Variants in NT5DC1 observed in about 807,000 individuals in gnomAD.
NT5DC1 encodes the protein 5'-nucleotidase domain containing 1.
NT5DC1 carries 42 observed loss-of-function variants against 59.4 expected under a neutral mutation model. The observed-to-expected ratio is 0.71, with a 90% CI of 0.55 to 0.92. The LOEUF is 0.92. NT5DC1 is among the 40% of genes least tolerant of loss of function. The pLI is 0.00. For synonymous variants in NT5DC1, 172 were observed against 188.1 expected, an observed-to-expected ratio of 0.91 and a Z score of 0.70; for missense variants, 501 against 537.1, an observed-to-expected ratio of 0.93 and a Z score of 0.66.
At chr6:116,121,250 A>G (rs775432130) in intron 6 of NT5DC1, 10 of 1,613,738 alleles carry the variant, frequency 6.2e-6, no homozygotes, top group Non-Finnish European at 8.5e-6. Context: ...GGGCCCAGCT[A>G]TTCCTGGAGC....
At chr6:116,105,946 T>G (rs897366630) in intron 1 of NT5DC1, among the ~76,000 whole-genome samples, 3 of 152,230 alleles carry the variant, frequency 2.0e-5, no homozygotes, top group Admixed American at 1.3e-4. Context: ...TAAAAAGCTT[T>G]GTCAAGTCTT....
At chr6:116,178,110 CGTGTGTGT>C (rs368898636) in intron 6 of NT5DC1, among the ~76,000 whole-genome samples, 94 of 117,554 alleles carry the variant, frequency 8.0e-4, no homozygotes, top group African/African-American at 2.2e-3. Context: ...CGCGTGCGTG[CGTGTGTGT>C]GTGTGTGTGT....
intron 6 of NT5DC1, among the ~76,000 whole-genome samples, chr6:116,199,812 A>G (rs1027356790): frequency 6.6e-6 from 1 of 152,094 alleles, no homozygotes; most frequent in African/African-American, 2.4e-5. Flanking sequence ...AATAACCATC[A>G]ATGAGTCTGG....
chr6:116,108,138 A>G (rs1441252837), intron 2 of NT5DC1, among the ~76,000 whole-genome samples: 1 of 152,218 alleles, frequency 6.6e-6, no homozygotes, highest in Non-Finnish European at 1.5e-5. Context: ...TACAAACTAA[A>G]TATGCTGTCC....
chr6:116,234,608 T>G (rs957586559), intron 8 of NT5DC1, among the ~76,000 whole-genome samples: 3 of 152,188 alleles, frequency 2.0e-5, no homozygotes, highest in Non-Finnish European at 4.4e-5. Context: ...CCCAAAGTGT[T>G]GGGATTACAG....
At chr6:116,115,212 G>GT (rs1419965794) in intron 4 of NT5DC1, among the ~76,000 whole-genome samples, 1 of 135,390 alleles carries the variant, frequency 7.4e-6, no homozygotes, top group African/African-American at 3.2e-5. Flanking sequence ...TATCACCCCA[G>GT]TTTTTTTCAC....
rs140140740 is a variant in NT5DC1, at chr6:116,156,334, C to G, written c.529+38389C>G. ...AAAAAATTTTTTTTAGGTTGTAGAT[C>G]TCATTCAACTAGTTGTGTTTCGTTT... On this transcript the variant is annotated intron_variant, in intron 6 of 11. Transcript: ENST00000319550. Among the ~76,000 whole-genome samples the G allele has an allele frequency of 3.9e-5, 6 of 152,146 alleles. No individual in the cohort carries two copies. The East Asian group carries it at 7.7e-4, about 20-fold the overall frequency.
chr6:116,139,906 G>C (rs1028477600), intron 6 of NT5DC1, among the ~76,000 whole-genome samples: 1 of 152,174 alleles, frequency 6.6e-6, no homozygotes, highest in African/African-American at 2.4e-5. Flanking sequence ...TCTCATGATA[G>C]TTAGGTCTGA....
chr6:116,145,814 A>G (rs796717343), intron 6 of NT5DC1, among the ~76,000 whole-genome samples: 3 of 152,218 alleles, frequency 2.0e-5, no homozygotes, highest in South Asian at 2.1e-4. Context: ...TAGCAGTAAT[A>G]TAGCTCAAAA....
At chr6:116,191,946 G>A (rs928317027) in intron 6 of NT5DC1, among the ~76,000 whole-genome samples, 8 of 152,018 alleles carry the variant, frequency 5.3e-5, no homozygotes, top group African/African-American at 1.9e-4. Context: ...TGATTGCCAT[G>A]ATTTTTTGGA....
At chr6:116,138,488 AT>A (rs1380414246) in intron 6 of NT5DC1, among the ~76,000 whole-genome samples, 2 of 152,172 alleles carry the variant, frequency 1.3e-5, no homozygotes, top group Non-Finnish European at 2.9e-5. Flanking sequence ...TGAAAGAGCT[AT>A]GTTGTTTCAG....
intron 6 of NT5DC1, among the ~76,000 whole-genome samples, chr6:116,138,266 T>C (rs1243637422): frequency 6.6e-6 from 1 of 152,192 alleles, no homozygotes; most frequent in African/African-American, 2.4e-5. Context: ...TTAAGCATCC[T>C]AGCCAAGATC....
chr6:116,147,543 G>T (rs1387247180), intron 6 of NT5DC1, among the ~76,000 whole-genome samples: 2 of 152,026 alleles, frequency 1.3e-5, no homozygotes, highest in African/African-American at 2.4e-5. Flanking sequence ...GTTATAAAAA[G>T]TTCATTTTAA....
intron 6 of NT5DC1, among the ~76,000 whole-genome samples, chr6:116,219,602 C>G (rs1781753462): frequency 6.6e-6 from 1 of 152,134 alleles, no homozygotes; most frequent in Non-Finnish European, 1.5e-5. Context: ...TGTGGGGAGG[C>G]AGACCACAAT....
At chr6:116,101,896 C>G (rs149614459) in intron 1 of NT5DC1, among the ~76,000 whole-genome samples, 2 of 152,180 alleles carry the variant, frequency 1.3e-5, no homozygotes, top group Non-Finnish European at 2.9e-5. Context: ...GTGGTGAAAG[C>G]GAGGACTCCT....
At chr6:116,118,292 C>T (rs1481823510) in intron 6 of NT5DC1, among the ~76,000 whole-genome samples, 1 of 152,060 alleles carries the variant, frequency 6.6e-6, no homozygotes, top group Non-Finnish European at 1.5e-5. Context: ...TAGTTATAGA[C>T]AGGTGGGCAA....
At chr6:116,152,155 T>G (rs1419935686) in intron 6 of NT5DC1, among the ~76,000 whole-genome samples, 1 of 152,224 alleles carries the variant, frequency 6.6e-6, no homozygotes, top group Non-Finnish European at 1.5e-5. Flanking sequence ...TCGTTTTCAT[T>G]ATACTTTCAG....
At chr6:116,226,745 C>A (rs1781918430) in intron 8 of NT5DC1, among the ~76,000 whole-genome samples, 1 of 151,900 alleles carries the variant, frequency 6.6e-6, no homozygotes, top group African/African-American at 2.4e-5. Context: ...ATAAGCACAT[C>A]CTGATAATAA....
rs1302319396 is a variant in NT5DC1, at chr6:116,113,262, C to T, written c.364+2306C>T. Among the ~76,000 whole-genome samples, 6 of 152,234 alleles carry T rather than the reference C, an allele frequency of 3.9e-5. No individual in the cohort carries two copies. The East Asian group carries it at 9.6e-4, about 24-fold the overall frequency. ...CATCTTTGAGTGGAGATAATACCAC[C>T]TTTGCAGAAGTGAGAACCTTTGTTA... On this transcript the variant is annotated intron_variant, in intron 4 of 11. Coordinates refer to ENST00000319550, the MANE Select transcript of NT5DC1 (RefSeq NM_152729.3).
Sources: gnomAD v4.1 joint callset for allele counts (sites outside exome capture counted in the v4.1 genomes callset) on GRCh38, gnomAD v4.1.1 for gene constraint, MANE v1.5 for transcripts, NCBI Gene and HGNC (gene_info 2026-07-23, HGNC 2026-07-21) for gene names.